MRRF: variants seen among roughly 807,000 people sequenced by gnomAD.
MRRF encodes the protein ribosome-recycling factor, mitochondrial.
A neutral mutation model predicts 25.1 loss-of-function variants in MRRF; 18 were observed. The ratio of observed to expected loss-of-function variants is 0.72; its 90% CI spans 0.50 to 1.06. The LOEUF (loss-of-function observed/expected upper bound fraction) is 1.06. Among genes scored for constraint, MRRF ranks in the 50% least tolerant of loss-of-function variants. The probability of loss-of-function intolerance (pLI) is 0.00; values close to 1 mark genes in which losing one functional copy is unlikely to be tolerated. For synonymous variants in MRRF, 113 were observed against 112.1 expected (o/e 1.01, Z -0.05); for missense variants, 323 against 319.3 (o/e 1.01, Z -0.09).
rs778186484 is a variant in MRRF, at chr9:122,271,083, CAT to C, written c.184+9_184+10del. On this transcript the variant is annotated intron_variant, in intron 2 of 6. Coordinates refer to ENST00000344641, the MANE Select transcript of MRRF (RefSeq NM_138777.5). Reference sequence around the variant, plus strand: ...CTACCAAGAAAGCCAAAGGTAGAGACATGTGACGTTCTCTCCTACTTCACCCC... The same window carrying C: ...CTACCAAGAAAGCCAAAGGTAGAGACGTGACGTTCTCTCCTACTTCACCCC... 5.6e-6 allele frequency: 9 copies of C among 1,612,300 alleles called. No individual in the cohort carries two copies. Among genetic ancestry groups the C allele is most frequent in the African/African-American group, 2.7e-5 (2 of 74,892 alleles).
intron 5 of MRRF, among the ~76,000 whole-genome samples, chr9:122,298,599 T>C (rs190209403): frequency 6.6e-6 from 1 of 152,342 alleles, no homozygotes; most frequent in African/African-American, 2.4e-5. Flanking sequence ...TTTATGAGGA[T>C]ATAGAGTTTT....
chr9:122,304,649 C>G (rs115969021), intron 5 of MRRF, among the ~76,000 whole-genome samples: 1,726 of 152,320 alleles, frequency 0.011, 21 homozygotes, highest in African/African-American at 0.03. Context: ...GATCAGATCA[C>G]TATTCCATTG....
intron 5 of MRRF, among the ~76,000 whole-genome samples, chr9:122,304,317 C>T (rs1439309484): frequency 5.3e-5 from 8 of 152,154 alleles, no homozygotes; most frequent in Non-Finnish European, 1.0e-4. Context: ...CCTGGGTAAG[C>T]CTTCATGCAG....
chr9:122,281,001 T>C (rs1468453412), intron 3 of MRRF, among the ~76,000 whole-genome samples: 3 of 152,222 alleles, frequency 2.0e-5, no homozygotes, highest in African/African-American at 4.8e-5. Flanking sequence ...TCTAGGTATT[T>C]AGTCTCATAG....
intron 2 of MRRF, among the ~76,000 whole-genome samples, chr9:122,273,924 A>G (rs939569531): frequency 5.3e-5 from 8 of 152,162 alleles, no homozygotes; most frequent in Non-Finnish European, 7.4e-5. Context: ...TTTAATATCC[A>G]TCCTACAGTT....
chr9:122,279,095 A>AC (rs1234676387), intron 2 of MRRF, among the ~76,000 whole-genome samples: 1 of 149,716 alleles, frequency 6.7e-6, no homozygotes, highest in Admixed American at 6.6e-5. Flanking sequence ...CTGATCTTGA[A>AC]CTCCTGACCT....
chr9:122,276,446 C>T (rs925176699), intron 2 of MRRF, among the ~76,000 whole-genome samples: 3 of 152,094 alleles, frequency 2.0e-5, no homozygotes, highest in Admixed American at 6.6e-5. Flanking sequence ...GTTGAGCCAT[C>T]GTGTCTGACT....
In MRRF at chr9:122,324,982, CAG is replaced by C. The variant is rs1455183941; in HGVS notation, c.*2366_*2367del. 1.3e-5 allele frequency: 2 copies of C among 152,190 alleles called. No homozygotes were observed. The highest frequency in any genetic ancestry group is 2.4e-5 in the African/African-American group (1 of 41,442). The allele number at this position is 152,190 out of a possible 1,614,324, so 9.4% of individuals were successfully genotyped here. On this transcript the variant is annotated 3_prime_UTR_variant, in exon 7 of 7. Coordinates refer to ENST00000344641, the MANE Select transcript of MRRF (RefSeq NM_138777.5). The stretch of plus-strand genomic sequence containing the variant: ...GCCTCTTTTGGGGTAAGCCACATGA[CAG>C]GGGCTTTGCAACAGTCTTTCATGAG...
chr9:122,317,127 C>T (rs1326862699), intron 6 of MRRF, among the ~76,000 whole-genome samples: 4 of 150,808 alleles, frequency 2.7e-5, no homozygotes, highest in Non-Finnish European at 4.4e-5. Flanking sequence ...TAGACTGGAA[C>T]GTCCCAAGTG....
intron 4 of MRRF, chr9:122,286,253 A>G (rs1357732387): frequency 1.6e-5 from 20 of 1,239,906 alleles, no homozygotes; most frequent in African/African-American, 4.6e-5. Context: ...GTATTTGACA[A>G]ACTAGGCTAG....
At chr9:122,301,063 G>A (rs1331516518) in intron 5 of MRRF, among the ~76,000 whole-genome samples, 2 of 152,150 alleles carry the variant, frequency 1.3e-5, no homozygotes, top group Non-Finnish European at 2.9e-5. Flanking sequence ...TTTTGGGGAT[G>A]ATAGACTTTA....
chr9:122,285,095 T>C (rs1176891694), intron 3 of MRRF, 74 bp from the exon 4 acceptor site: 2 of 939,408 alleles, frequency 2.1e-6, no homozygotes, highest in East Asian at 2.5e-5. Context: ...AACCTGAATC[T>C]GAATTAGATA....
At chr9:122,281,122 C>G (rs1016031071) in intron 3 of MRRF, among the ~76,000 whole-genome samples, 2 of 152,158 alleles carry the variant, frequency 1.3e-5, no homozygotes, top group Admixed American at 6.6e-5. Flanking sequence ...TTCTATACCC[C>G]TGAGCTTGAC....
rs941666981 is a variant in MRRF at position 122,326,623 on chromosome 9, T to C, written c.*4006T>C. The C allele has an allele frequency of 3.3e-5, 5 of 152,146 alleles. No individual in the cohort carries two copies. Among genetic ancestry groups the C allele is most frequent in the Non-Finnish European group, 7.4e-5 (5 of 68,008 alleles). The allele number at this position is 152,146 out of a possible 1,614,324, so 9.4% of individuals were successfully genotyped here. On this transcript the variant is annotated 3_prime_UTR_variant, in exon 7 of 7. Transcript: ENST00000344641. ...CTATTTAAAAATTATTTCACATGCA[T>C]TGGAGAATGTTTAAAGATGATTTTT...
chr9:122,287,909 C>G (rs1405932582), intron 4 of MRRF, among the ~76,000 whole-genome samples: 1 of 152,182 alleles, frequency 6.6e-6, no homozygotes, highest in Admixed American at 6.5e-5. Context: ...AGCTTCGAAG[C>G]TGACCGTAGA....
chr9:122,313,508 G>A (rs776932985), intron 6 of MRRF, 122 bp downstream of exon 6: 3 of 1,143,180 alleles, frequency 2.6e-6, no homozygotes, highest in Non-Finnish European at 3.9e-6. Flanking sequence ...TATCACCATT[G>A]TCTGAGTCTC....
At chr9:122,266,102 A>G (rs192923946) in intron 1 of MRRF, among the ~76,000 whole-genome samples, 1 of 152,366 alleles carries the variant, frequency 6.6e-6, no homozygotes, top group African/African-American at 2.4e-5. Context: ...TCACTGATGT[A>G]TTCATCACAT....
chr9:122,281,409 G>C (rs1833086658), intron 3 of MRRF, among the ~76,000 whole-genome samples: 1 of 152,170 alleles, frequency 6.6e-6, no homozygotes, highest in African/African-American at 2.4e-5. Flanking sequence ...AAGAAAACTA[G>C]AAATATTTCG....
intron 1 of MRRF, among the ~76,000 whole-genome samples, chr9:122,269,834 G>A (rs1443429239): frequency 1.3e-5 from 2 of 152,074 alleles, no homozygotes; most frequent in African/African-American, 4.8e-5. Context: ...CTGTGTCAAG[G>A]GCTTTACTTG....
Sources: allele counts gnomAD v4.1 joint callset (sites outside exome capture counted in the v4.1 genomes callset), GRCh38; gene constraint gnomAD v4.1.1; transcripts MANE v1.5; gene names NCBI Gene and HGNC (gene_info 2026-07-23, HGNC 2026-07-21).